Variants in VSTM2B observed in about 807,000 individuals in gnomAD.
VSTM2B encodes the protein V-set and transmembrane domain containing 2B.
VSTM2B carries 24 observed loss-of-function variants against 24.0 expected under a neutral mutation model. That is an observed-to-expected ratio of 1.00 (90% confidence interval 0.72 to 1.40). The LOEUF is 1.40. VSTM2B is among the 40% of genes most tolerant of loss of function. The probability of loss-of-function intolerance (pLI) is 0.00; values close to 1 mark genes in which losing one functional copy is unlikely to be tolerated. For missense variants in VSTM2B, 399 were observed against 416.4 expected (o/e 0.96, Z 0.36); for synonymous variants, 226 against 194.4 (o/e 1.16, Z -1.35).
At chr19:29,531,297 C>T (rs1897906720) in intron 4 of VSTM2B, among the ~76,000 whole-genome samples, 1 of 152,178 alleles carries the variant, frequency 6.6e-6, no homozygotes, top group Admixed American at 6.5e-5. Context: ...CCACAGGGAG[C>T]ATCTCTCCTG....
intron 3 of VSTM2B, 57 bp downstream of exon 3, chr19:29,528,519 C>T (rs1210982285): frequency 1.2e-5 from 19 of 1,546,370 alleles, no homozygotes; most frequent in Middle Eastern, 1.7e-4. Context: ...CCTCGGGTCC[C>T]GCAGCTCCCT....
chr19:29,531,458 A>C (rs1454672223), intron 4 of VSTM2B, among the ~76,000 whole-genome samples: 2 of 152,214 alleles, frequency 1.3e-5, no homozygotes, highest in Non-Finnish European at 2.9e-5. Flanking sequence ...CCGCTGGGGC[A>C]GGTCTTCATG....
chr19:29,528,509 C>T (rs769203002), intron 3 of VSTM2B, 47 bp downstream of exon 3: 240 of 1,549,384 alleles, frequency 1.5e-4, no homozygotes, highest in Non-Finnish European at 2.0e-4. Context: ...CTTCTGGCCG[C>T]CTCGGGTCCC....
At chr19:29,554,926 A>G (rs1391243645) in intron 4 of VSTM2B, among the ~76,000 whole-genome samples, 1 of 152,246 alleles carries the variant, frequency 6.6e-6, no homozygotes, top group Non-Finnish European at 1.5e-5. Flanking sequence ...AAGTTCTTAG[A>G]GACCTACAAA....
chr19:29,547,392 C>CAT (rs1253346041), intron 4 of VSTM2B, among the ~76,000 whole-genome samples: 1 of 152,208 alleles, frequency 6.6e-6, no homozygotes, highest in Admixed American at 6.5e-5. Context: ...ACGTAGGTCA[C>CAT]ATACTTGCTG....
In VSTM2B at chr19:29,562,665, G is replaced by A. The variant is rs10418169; in HGVS notation, c.770-1181G>A. Among the ~76,000 whole-genome samples, 1,130 of 152,300 alleles carry A rather than the reference G, an allele frequency of 7.4e-3. 15 individuals carry two copies. The highest frequency in any genetic ancestry group is 0.026 in the African/African-American group (1,080 of 41,562). ...GGGTTTTGGCAGCACCAAGGATCGTGCAGGGTGCTTCCACACTTGCTCCTC... is the reference window on the plus strand; with the variant it reads ...GGGTTTTGGCAGCACCAAGGATCGTACAGGGTGCTTCCACACTTGCTCCTC... On this transcript the variant is annotated intron_variant, in intron 4 of 4. Transcript: ENST00000335523.
chr19:29,549,413 A>C (rs1212327618), intron 4 of VSTM2B, among the ~76,000 whole-genome samples: 4 of 132,046 alleles, frequency 3.0e-5, no homozygotes, highest in African/African-American at 5.6e-5. Context: ...GCCCCAGGAG[A>C]GCCTGATACT....
intron 4 of VSTM2B, among the ~76,000 whole-genome samples, chr19:29,536,182 G>A (rs1969884479): frequency 6.6e-6 from 1 of 152,192 alleles, no homozygotes; most frequent in African/African-American, 2.4e-5. Flanking sequence ...TGCCATAAGG[G>A]GGAACCAGAG....
chr19:29,544,727 C>T (rs1334804236), intron 4 of VSTM2B, among the ~76,000 whole-genome samples: 2 of 152,042 alleles, frequency 1.3e-5, no homozygotes, highest in Non-Finnish European at 2.9e-5. Context: ...GCCCTGGGCT[C>T]CCCAGAGGGA....
rs563424480 is a variant in VSTM2B, at chr19:29,534,478, G to A, written c.769+4188G>A. 2.9e-3 allele frequency among the ~76,000 whole-genome samples: 448 copies of A among 152,316 alleles called. 1 individual carries two copies. The highest frequency in any genetic ancestry group is 5.0e-3 in the Non-Finnish European group (343 of 68,028). On this transcript the variant is annotated intron_variant, in intron 4 of 4. Coordinates refer to ENST00000335523, the MANE Select transcript of VSTM2B (RefSeq NM_001146339.2). ...GCCTGTAATCACAGCACTTTGGAAG[G>A]CCGAGGCGGGTGGATCACCTGAGGA...
rs115349412 is a variant in VSTM2B at position 29,554,823 on chromosome 19, T to C, written c.770-9023T>C. 5.1e-3 allele frequency among the ~76,000 whole-genome samples: 777 copies of C among 152,216 alleles called. 7 individuals are homozygous for C. The highest frequency in any genetic ancestry group is 0.018 in the African/African-American group (753 of 41,514). ...ACAAAGATCAAAAAGACAAAGGGCA[T>C]TACATAATGATAAAAAGGATCCATT... On this transcript the variant is annotated intron_variant, in intron 4 of 4. Coordinates refer to ENST00000335523, the MANE Select transcript of VSTM2B (RefSeq NM_001146339.2).
chr19:29,529,079 C>A (rs1423139169), intron 3 of VSTM2B: 2 of 985,334 alleles, frequency 2.0e-6, no homozygotes, highest in African/African-American at 3.5e-5. Flanking sequence ...GAAGCCTCCT[C>A]GTGGGCTCGG....
chr19:29,555,668 C>G (rs1404548933), intron 4 of VSTM2B, among the ~76,000 whole-genome samples: 2 of 151,256 alleles, frequency 1.3e-5, no homozygotes, highest in Non-Finnish European at 2.9e-5. Context: ...GCCAGCTAGA[C>G]TAATAAAGAT....
In VSTM2B at chr19:29,527,405, C is replaced by G; in HGVS notation, c.267+10C>G. 6.6e-7 allele frequency: 1 copy of G among 1,512,978 alleles called. No individual in the cohort carries two copies. The highest frequency in any genetic ancestry group is 8.8e-7 in the Non-Finnish European group (1 of 1,133,200). 93.7% of individuals were successfully genotyped at this position (1,512,978 alleles called of 1,614,324 possible). A position where few individuals can be genotyped will look rare whatever the true frequency, so the allele number is the denominator to read the frequency against. On this transcript the variant is annotated intron_variant, in intron 2 of 4. Transcript: ENST00000335523. ...GGGCGCCCGGAGCAAGGTAACCCGC[C>G]GCCCACGCGGTACCGGCGCGCGCCC...
At chr19:29,528,554 G>A in intron 3 of VSTM2B, 92 bp downstream of exon 3, 1 of 1,461,018 alleles carries the variant, frequency 6.8e-7, no homozygotes, top group Non-Finnish European at 9.4e-7. Flanking sequence ...CGGCGGCCGC[G>A]CATGTGGGGC....
chr19:29,528,198 C>A (rs1969634706), intron 2 of VSTM2B, among the ~76,000 whole-genome samples: 5 of 152,230 alleles, frequency 3.3e-5, no homozygotes, highest in Non-Finnish European at 7.3e-5. Context: ...GTTCAGCCGG[C>A]AGGTGTGCAC....
intron 2 of VSTM2B, 25 bp downstream of exon 2, chr19:29,527,420 G>A (rs552488308): frequency 6.9e-7 from 1 of 1,452,152 alleles, no homozygotes; most frequent in Non-Finnish European, 9.0e-7. Context: ...ACGCGGTACC[G>A]GCGCGCGCCC....
chr19:29,527,848 G>A (rs1053439841), intron 2 of VSTM2B, among the ~76,000 whole-genome samples: 8 of 152,110 alleles, frequency 5.3e-5, no homozygotes, highest in African/African-American at 1.9e-4. Context: ...CAGCCCTCAG[G>A]GGCACAGAGG....
chr19:29,540,969 G>A (rs1970006336), intron 4 of VSTM2B, among the ~76,000 whole-genome samples: 2 of 152,168 alleles, frequency 1.3e-5, no homozygotes, highest in South Asian at 4.1e-4. Flanking sequence ...AAAGAAAGAA[G>A]GTAGAGCTTT....
Sources: allele counts gnomAD v4.1 joint callset (sites outside exome capture counted in the v4.1 genomes callset), GRCh38; gene constraint gnomAD v4.1.1; transcripts MANE v1.5; gene names NCBI Gene and HGNC (gene_info 2026-07-23, HGNC 2026-07-21).